SCN9A: variants seen among roughly 807,000 people sequenced by gnomAD.
The protein encoded by SCN9A is sodium voltage-gated channel alpha subunit 9.
Under a neutral mutation model 187.0 loss-of-function variants are expected in SCN9A, and 131 were observed. The ratio of observed to expected loss-of-function variants is 0.70; its 90% CI spans 0.61 to 0.81. The LOEUF (loss-of-function observed/expected upper bound fraction) is 0.81, where lower values mean the gene tolerates loss of function less well. Among genes scored for constraint, SCN9A ranks in the 30% least tolerant of loss-of-function variants. SCN9A has a pLI of 0.00. For synonymous variants in SCN9A, 809 were observed against 808.6 expected (o/e 1.00, Z -0.01); for missense variants, 2,252 against 2,396.6 (o/e 0.94, Z 1.26).
chr2:166,245,645 C>T (rs560710471), intron 18 of SCN9A, among the ~76,000 whole-genome samples: 3 of 151,888 alleles, frequency 2.0e-5, no homozygotes, highest in Non-Finnish European at 4.4e-5. Context: ...TGAATTCTTC[C>T]TCATAAAATT....
At chr2:166,342,614 C>A (rs116373723) in intron 1 of SCN9A, among the ~76,000 whole-genome samples, 2,366 of 152,032 alleles carry the variant, frequency 0.016, 58 homozygotes, top group African/African-American at 0.054. Context: ...AATAGCAATA[C>A]CAATAATAAT....
At chr2:166,239,429 T>C (rs990061810) in intron 19 of SCN9A, among the ~76,000 whole-genome samples, 1 of 152,178 alleles carries the variant, frequency 6.6e-6, no homozygotes, top group Non-Finnish European at 1.5e-5. Context: ...CAGATTCTTC[T>C]TATTCTACGT....
chr2:166,306,126 G>A (rs1236525443), intron 4 of SCN9A, among the ~76,000 whole-genome samples: 2 of 151,974 alleles, frequency 1.3e-5, no homozygotes, highest in African/African-American at 2.4e-5. Flanking sequence ...AGAAAGCAGA[G>A]GTACTTGAAA....
chr2:166,321,127 G>C (rs901459468), intron 1 of SCN9A, among the ~76,000 whole-genome samples: 1 of 152,134 alleles, frequency 6.6e-6, no homozygotes, highest in Non-Finnish European at 1.5e-5. Context: ...AATTCAAAAA[G>C]TAGAAAAGTT....
At chr2:166,299,172 T>G (rs1341118085) in intron 7 of SCN9A, among the ~76,000 whole-genome samples, 2 of 143,734 alleles carry the variant, frequency 1.4e-5, no homozygotes, top group Admixed American at 6.7e-5. Flanking sequence ...TACTCATTCA[T>G]TATCACTAGC....
Position 166,294,783 on chromosome 2 carries a change from A to G in SCN9A, c.902-121T>C, listed in dbSNP as rs1249274392. 4 of 528,514 alleles carry G rather than the reference A, an allele frequency of 7.6e-6. No homozygotes were observed. In the East Asian group the frequency reaches 9.3e-5, roughly 12 times the overall value. 32.7% of individuals were successfully genotyped at this position (528,514 alleles called of 1,614,324 possible). On this transcript the variant is annotated intron_variant, in intron 7 of 26. Coordinates refer to ENST00000642356, the MANE Select transcript of SCN9A (RefSeq NM_001365536.1). ...AAATTCAGGCCTGGTCCCAGGCAAT[A>G]TGCATCCATTTATTTACTATTTTCT...
At chr2:166,240,089 G>A (rs1328637055) in intron 19 of SCN9A, among the ~76,000 whole-genome samples, 1 of 152,210 alleles carries the variant, frequency 6.6e-6, no homozygotes, top group African/African-American at 2.4e-5. Flanking sequence ...TTCAGTGATA[G>A]CTCTGTCATT....
intron 18 of SCN9A, among the ~76,000 whole-genome samples, chr2:166,250,439 G>A (rs1289598226): frequency 6.6e-6 from 1 of 152,080 alleles, no homozygotes; most frequent in African/African-American, 2.4e-5. Flanking sequence ...TGTGGATGCT[G>A]ATATCCCCAT....
At position 166,345,608 on chromosome 2, in the gene SCN9A, A is replaced by G. The variant is rs573278742; in HGVS notation, c.-51+30089T>C. Among the ~76,000 whole-genome samples, 3 of 152,268 alleles carry G rather than the reference A, an allele frequency of 2.0e-5. No individual in the cohort carries two copies. In the East Asian group the frequency reaches 5.8e-4, roughly 29 times the overall value. ...CAATCTAGGCATTTCAAATTAATAG[A>G]GGACAAAACAAACAAACATACAAAC... On this transcript the variant is annotated intron_variant, in intron 1 of 26. Coordinates refer to ENST00000642356, the MANE Select transcript of SCN9A (RefSeq NM_001365536.1).
chr2:166,263,820 CAG>C (rs543149415), intron 17 of SCN9A, among the ~76,000 whole-genome samples: 35 of 151,966 alleles, frequency 2.3e-4, no homozygotes, highest in Admixed American at 1.3e-3. Flanking sequence ...AGTACCGGGC[CAG>C]AGATTGGGAT....
At chr2:166,247,157 C>CAAAAAAAAAAAA (rs35833662) in intron 18 of SCN9A, among the ~76,000 whole-genome samples, 3 of 41,800 alleles carry the variant, frequency 7.2e-5, no homozygotes, top group African/African-American at 1.1e-4. Context: ...CCAAAGCTCT[C>CAAAAAAAAAAAA]AAAAAAAAAA....
At chr2:166,313,672 G>A (rs1699034794) in intron 1 of SCN9A, among the ~76,000 whole-genome samples, 1 of 152,084 alleles carries the variant, frequency 6.6e-6, no homozygotes, top group African/African-American at 2.4e-5. Context: ...TTTGCAATAA[G>A]GCTGTTTTGT....
At chr2:166,251,620 C>A in intron 18 of SCN9A, 145 bp downstream of exon 18, 1 of 792,612 alleles carries the variant, frequency 1.3e-6, no homozygotes, top group Non-Finnish European at 2.0e-6. Flanking sequence ...AGTGACTTGC[C>A]CTTAATCATC....
intron 1 of SCN9A, among the ~76,000 whole-genome samples, chr2:166,314,489 T>A (rs1040305258): frequency 2.6e-5 from 4 of 152,132 alleles, no homozygotes; most frequent in African/African-American, 9.7e-5. Flanking sequence ...AAAACATATG[T>A]CCACACAAGA....
intron 14 of SCN9A, among the ~76,000 whole-genome samples, chr2:166,280,087 G>A (rs557045179): frequency 6.6e-6 from 1 of 152,232 alleles, no homozygotes; most frequent in South Asian, 2.1e-4. Context: ...TTGCTCCCAA[G>A]AAATATGCTG....
intron 17 of SCN9A, among the ~76,000 whole-genome samples, chr2:166,255,113 A>C (rs889927012): frequency 5.4e-5 from 7 of 130,742 alleles, no homozygotes; most frequent in African/African-American, 1.7e-4. Flanking sequence ...AGAAAAAGAG[A>C]GAGAGGAGAG....
Position 166,238,249 on chromosome 2 carries a change from T to C in SCN9A, c.3646A>G (p.Ile1216Val). ...ATCTTAATGGTCTTTTTCCTTTCAA[T>C]ATAAATATCTTCAAAAGCCTGTGGA... is the stretch of plus-strand genomic sequence containing the variant. ...SGALAFEDIY[I>V]ERKKTIKIIL... The change falls in exon 20 of 27, where the codon ATT (isoleucine) becomes GTT (valine). Residue 1216 changes from isoleucine to valine, a missense_variant. By Grantham distance (29) the Ile-to-Val change is conservative. Transcript: ENST00000642356. 1 of 1,574,492 alleles carries C rather than the reference T, an allele frequency of 6.4e-7. No homozygotes were observed. Among genetic ancestry groups the C allele is most frequent in the Non-Finnish European group, 8.6e-7 (1 of 1,160,688 alleles).
intron 1 of SCN9A, among the ~76,000 whole-genome samples, chr2:166,324,128 C>T (rs765673912): frequency 9.9e-5 from 15 of 151,680 alleles, no homozygotes; most frequent in East Asian, 3.9e-4. Flanking sequence ...AATCTTATTT[C>T]GATAAAATTA....
chr2:166,245,229 A>T (rs1695736250), intron 18 of SCN9A, among the ~76,000 whole-genome samples: 1 of 152,076 alleles, frequency 6.6e-6, no homozygotes. Flanking sequence ...AAACAATTTG[A>T]TATACAGAAT....
Sources: allele counts gnomAD v4.1 joint callset (sites outside exome capture counted in the v4.1 genomes callset), GRCh38; gene constraint gnomAD v4.1.1; transcripts MANE v1.5; gene names NCBI Gene and HGNC (gene_info 2026-07-23, HGNC 2026-07-21).